Variants in CAMK4 observed in about 807,000 individuals in gnomAD.
CAMK4 encodes the protein calcium/calmodulin-dependent protein kinase type IV.
Under a neutral mutation model 44.9 loss-of-function variants are expected in CAMK4, and 22 were observed. That is an observed-to-expected ratio of 0.49 (90% CI 0.35 to 0.70). The LOEUF (loss-of-function observed/expected upper bound fraction) is 0.70. Ranked by LOEUF, CAMK4 falls within the 30% of genes least tolerant of loss-of-function variation. The pLI is 0.01. For synonymous variants in CAMK4, 218 were observed against 215.4 expected (o/e 1.01, Z -0.11); for missense variants, 498 against 586.8 (o/e 0.85, Z 1.56).
At chr5:111,329,560 T>G (rs1749064914) in intron 1 of CAMK4, among the ~76,000 whole-genome samples, 1 of 151,862 alleles carries the variant, frequency 6.6e-6, no homozygotes, top group Non-Finnish European at 1.5e-5. Flanking sequence ...CATGGTTTTA[T>G]TTTTGCATAG....
At chr5:111,352,996 T>C (rs1184744913) in intron 2 of CAMK4, among the ~76,000 whole-genome samples, 1 of 152,108 alleles carries the variant, frequency 6.6e-6, no homozygotes, top group Non-Finnish European at 1.5e-5. Flanking sequence ...ACAGACTTTA[T>C]GAAATTGTTC....
At position 111,402,593 on chromosome 5, in the gene CAMK4, C is replaced by T. The variant is rs115139016; in HGVS notation, c.459+7811C>T. ...CTCTTATTCCTCATTGGCAGAAAGC[C>T]GATCTCCCTTGTAGGAAGATGGAAA... On this transcript the variant is annotated intron_variant, in intron 5 of 10. Transcript: ENST00000282356. Among the ~76,000 whole-genome samples the T allele has an allele frequency of 5.2e-3, 795 of 152,320 alleles. 8 individuals are homozygous for T. The highest frequency in any genetic ancestry group is 0.017 in the African/African-American group (727 of 41,566).
chr5:111,362,143 A>G (rs929071489), intron 2 of CAMK4, among the ~76,000 whole-genome samples: 18 of 152,048 alleles, frequency 1.2e-4, no homozygotes, highest in South Asian at 2.1e-4. Flanking sequence ...CCTTAAAACA[A>G]TAATATTCCA....
chr5:111,370,471 G>T (rs1357120330), intron 2 of CAMK4, among the ~76,000 whole-genome samples: 1 of 152,078 alleles, frequency 6.6e-6, no homozygotes, highest in African/African-American at 2.4e-5. Context: ...AAAATGGCGG[G>T]TGTGGGAGTG....
intron 1 of CAMK4, among the ~76,000 whole-genome samples, chr5:111,225,976 T>G (rs180840637): frequency 1.3e-5 from 2 of 152,340 alleles, no homozygotes; most frequent in African/African-American, 2.4e-5. Flanking sequence ...TGTCGATTTT[T>G]GTAAGGTCCA....
chr5:111,407,274 C>T (rs1467869283), intron 5 of CAMK4, among the ~76,000 whole-genome samples: 1 of 151,454 alleles, frequency 6.6e-6, no homozygotes, highest in African/African-American at 2.4e-5. Context: ...TCGCTTGAAC[C>T]TGGGAGGCGG....
At chr5:111,345,239 A>G (rs911138256) in intron 2 of CAMK4, among the ~76,000 whole-genome samples, 3 of 151,918 alleles carry the variant, frequency 2.0e-5, no homozygotes, top group Non-Finnish European at 4.4e-5. Context: ...CAAAATAACA[A>G]AAACAATTTA....
At chr5:111,273,712 TATATATACAC>T (rs1437469628) in intron 1 of CAMK4, among the ~76,000 whole-genome samples, 577 of 54,798 alleles carry the variant, frequency 0.011, 40 homozygotes, top group African/African-American at 0.062. Flanking sequence ...TATATATATA[TATATATACAC>T]ACACATACAT....
chr5:111,345,777 G>A (rs1355881317), intron 2 of CAMK4, among the ~76,000 whole-genome samples: 2 of 151,886 alleles, frequency 1.3e-5, no homozygotes, highest in Admixed American at 6.6e-5. Flanking sequence ...CCATTTGGTG[G>A]GTTCATGACG....
chr5:111,292,226 T>C (rs1388368301), intron 1 of CAMK4, among the ~76,000 whole-genome samples: 1 of 152,194 alleles, frequency 6.6e-6, no homozygotes, highest in African/African-American at 2.4e-5. Flanking sequence ...TGGATAGTGA[T>C]AGTGTATCTG....
intron 1 of CAMK4, among the ~76,000 whole-genome samples, chr5:111,333,198 A>G (rs544008709): frequency 6.6e-6 from 1 of 151,592 alleles, no homozygotes; most frequent in Non-Finnish European, 1.5e-5. Flanking sequence ...AGAAGGAAAG[A>G]GGACTGGGAA....
chr5:111,469,989 G>A (rs1179718462), intron 7 of CAMK4, among the ~76,000 whole-genome samples: 1 of 152,216 alleles, frequency 6.6e-6, no homozygotes, highest in Admixed American at 6.5e-5. Context: ...TAGCATTTCA[G>A]ACTGAATAAG....
intron 5 of CAMK4, among the ~76,000 whole-genome samples, chr5:111,435,833 G>A (rs1273230066): frequency 1.3e-5 from 2 of 152,086 alleles, no homozygotes; most frequent in African/African-American, 4.8e-5. Flanking sequence ...CACATACAGT[G>A]GAAATTAGAG....
chr5:111,318,186 A>G (rs1748514811), intron 1 of CAMK4, among the ~76,000 whole-genome samples: 1 of 152,196 alleles, frequency 6.6e-6, no homozygotes, highest in African/African-American at 2.4e-5. Context: ...CTATGACACA[A>G]AATGGCTTAC....
intron 7 of CAMK4, among the ~76,000 whole-genome samples, chr5:111,470,276 C>G (rs1435959824): frequency 1.3e-5 from 2 of 152,168 alleles, no homozygotes; most frequent in Non-Finnish European, 2.9e-5. Context: ...TCGTATCAGC[C>G]ATGCATGTTT....
chr5:111,390,013 G>A (rs1751742599), intron 4 of CAMK4, among the ~76,000 whole-genome samples: 1 of 152,120 alleles, frequency 6.6e-6, no homozygotes, highest in Admixed American at 6.6e-5. Flanking sequence ...AGAAAGTATA[G>A]TCCCATGAAG....
intron 5 of CAMK4, among the ~76,000 whole-genome samples, chr5:111,396,980 C>G (rs1188582046): frequency 3.9e-5 from 6 of 152,286 alleles, no homozygotes; most frequent in Non-Finnish European, 2.9e-5. Context: ...AGAATCATCT[C>G]TTGCAATCAC....
At chr5:111,444,487 G>A (rs544653035) in intron 5 of CAMK4, among the ~76,000 whole-genome samples, 1 of 152,256 alleles carries the variant, frequency 6.6e-6, no homozygotes, top group South Asian at 2.1e-4. Context: ...GTTTCTTCAT[G>A]GAGACTCATG....
chr5:111,470,890 A>G (rs1196444692), intron 7 of CAMK4, among the ~76,000 whole-genome samples: 2 of 152,248 alleles, frequency 1.3e-5, no homozygotes, highest in African/African-American at 2.4e-5. Context: ...AAACAGTCTC[A>G]TATGAAACAC....
Sources: gnomAD v4.1 joint callset for allele counts (sites outside exome capture counted in the v4.1 genomes callset) on GRCh38, gnomAD v4.1.1 for gene constraint, MANE v1.5 for transcripts, NCBI Gene and HGNC (gene_info 2026-07-23, HGNC 2026-07-21) for gene names.